ZNF518A: variants seen among roughly 807,000 people sequenced by gnomAD.
ZNF518A encodes zinc finger protein 518A, also known as zinc finger protein 518.
A neutral mutation model predicts 102.7 loss-of-function variants in ZNF518A; 47 were observed. The ratio of observed to expected loss-of-function variants is 0.46; its 90% CI spans 0.36 to 0.58. The LOEUF (loss-of-function observed/expected upper bound fraction) is 0.58. ZNF518A is among the 20% of genes least tolerant of loss of function. The pLI, the probability that ZNF518A is intolerant of heterozygous loss-of-function variation, is 0.00. For synonymous variants in ZNF518A, 652 were observed against 594.6 expected (o/e 1.10, Z -1.40); for missense variants, 1,793 against 1,699.8 (o/e 1.05, Z -0.96).
downstream of ZNF518A, among the ~76,000 whole-genome samples, chr10:96,164,246 AAAT>A (rs1220497562): frequency 6.6e-6 from 1 of 152,246 alleles, no homozygotes; most frequent in East Asian, 1.9e-4. Context: ...GATTTTTTAA[AAAT>A]AAGATTCCTT....
At chr10:96,193,714 A>G (rs1192159928) in intron 1 of ZNF518A, among the ~76,000 whole-genome samples, 1 of 152,266 alleles carries the variant, frequency 6.6e-6, no homozygotes, top group Non-Finnish European at 1.5e-5. Context: ...AAGATAAAGC[A>G]GACAGTTGTC....
intron 1 of ZNF518A, among the ~76,000 whole-genome samples, chr10:96,175,743 A>G (rs1371974165): frequency 4.6e-5 from 7 of 152,166 alleles, no homozygotes; most frequent in African/African-American, 9.7e-5. Context: ...TGTAGACTGA[A>G]GGGTGCTCAG....
Position 96,163,742 on chromosome 10 carries a change from TAAAAC to T in ZNF518A, c.*2971_*2975del, listed in dbSNP as rs1306669445. 1 of 167,016 alleles carries T rather than the reference TAAAAC, an allele frequency of 6.0e-6. No homozygotes were observed. Among genetic ancestry groups the T allele is most frequent in the Non-Finnish European group, 1.5e-5 (1 of 68,076 alleles). 10.3% of individuals were successfully genotyped at this position (167,016 alleles called of 1,614,324 possible). ...ATGAATTAGTGTGGCTATGTTTTAATAAAACAATTTATAAAAACAGGAAGTGGGCT... is the reference window on the plus strand; with the variant it reads ...ATGAATTAGTGTGGCTATGTTTTAATAATTTATAAAAACAGGAAGTGGGCT... On this transcript the variant is annotated 3_prime_UTR_variant, in exon 6 of 6. Coordinates refer to ENST00000316045, the MANE Select transcript of ZNF518A (RefSeq NM_001330736.2).
intron 3 of ZNF518A, among the ~76,000 whole-genome samples, chr10:96,135,534 C>T (rs2081556146): frequency 6.6e-6 from 1 of 152,220 alleles, no homozygotes; most frequent in South Asian, 2.1e-4. Flanking sequence ...TTTGTGCATG[C>T]ATTCAATCTA....
At chr10:96,141,319 G>T (rs1554876434) in intron 3 of ZNF518A, among the ~76,000 whole-genome samples, 1 of 152,208 alleles carries the variant, frequency 6.6e-6, no homozygotes, top group Non-Finnish European at 1.5e-5. Context: ...AGAAAGGAGA[G>T]ATTTAGTGTG....
chr10:96,189,394 T>TA (rs781875423), intron 1 of ZNF518A: 9 of 585,536 alleles, frequency 1.5e-5, no homozygotes, highest in Admixed American at 7.9e-5. Flanking sequence ...GGATCTTGAA[T>TA]AGTCTCCTGG....
Position 96,159,437 on chromosome 10 carries a change from A to G in ZNF518A, c.3115A>G (p.Ser1039Gly). 1.2e-6 allele frequency: 2 copies of G among 1,613,802 alleles called. No homozygotes were observed. Among genetic ancestry groups the G allele is most frequent in the Non-Finnish European group, 1.7e-6 (2 of 1,179,784 alleles). ...SSIGSCLSMKSSSENTLPLKG... is the reference protein window; with the variant it reads ...SSIGSCLSMKGSSENTLPLKG... ...CATTGGCAGTTGTTTGAGCATGAAA[A>G]GTAGCTCAGAAAATACTTTGCCATT... is the stretch of plus-strand genomic sequence containing the variant. The change falls in exon 6 of 6, where the codon AGT becomes GGT. Residue 1039 changes from serine to glycine, a missense_variant. Ser to Gly is a moderately conservative substitution (Grantham distance 56, BLOSUM62 0). This residue lies in a region of ZNF518A where 1,741 missense variants were observed against 1,622.6 expected (regional missense o/e 1.07). Coordinates refer to ENST00000316045, the MANE Select transcript of ZNF518A (RefSeq NM_001330736.2).
chr10:96,169,979 G>T (rs1554890722), intron 1 of ZNF518A, among the ~76,000 whole-genome samples: 1 of 152,200 alleles, frequency 6.6e-6, no homozygotes, highest in African/African-American at 2.4e-5. Context: ...AAATCTTCCA[G>T]TGTTTGCTAA....
At chr10:96,172,932 C>T (rs1564800831) in intron 1 of ZNF518A, among the ~76,000 whole-genome samples, 2 of 152,222 alleles carry the variant, frequency 1.3e-5, no homozygotes, top group Non-Finnish European at 2.9e-5. Context: ...TCTGTGCGTT[C>T]TACATCTGCA....
intron 3 of ZNF518A, among the ~76,000 whole-genome samples, chr10:96,147,316 CT>C (rs1324460475): frequency 2.0e-5 from 3 of 152,156 alleles, no homozygotes; most frequent in Non-Finnish European, 2.9e-5. Context: ...TCAAAGATGT[CT>C]TGTCTTTGGA....
intron 1 of ZNF518A, among the ~76,000 whole-genome samples, chr10:96,184,214 C>G (rs1036849116): frequency 6.6e-6 from 1 of 152,130 alleles, no homozygotes; most frequent in South Asian, 2.1e-4. Flanking sequence ...TGAGATGGGT[C>G]TCCTGAATAC....
chr10:96,170,822 A>G (rs77659669), intron 1 of ZNF518A, among the ~76,000 whole-genome samples: 6,182 of 152,296 alleles, frequency 0.041, 239 homozygotes, highest in African/African-American at 0.098. Flanking sequence ...GAAATGTTGT[A>G]TATCATACAT....
At chr10:96,196,097 C>A (rs1483470810) in intron 1 of ZNF518A, among the ~76,000 whole-genome samples, 2 of 152,150 alleles carry the variant, frequency 1.3e-5, no homozygotes, top group Non-Finnish European at 2.9e-5. Flanking sequence ...AATGGTGTAC[C>A]TTTTTCTGAA....
At chr10:96,165,698 C>A (rs1012528441), downstream of ZNF518A, among the ~76,000 whole-genome samples, 1 of 152,090 alleles carries the variant, frequency 6.6e-6, no homozygotes, top group Admixed American at 6.5e-5. Context: ...TTCTTTCTAT[C>A]CTCCAGCTGT....
Position 96,158,952 on chromosome 10 carries a change from A to C in ZNF518A, c.2630A>C (p.Lys877Thr). 8 of 1,613,624 alleles carry C rather than the reference A, an allele frequency of 5.0e-6. No individual in the cohort carries two copies. The highest frequency in any genetic ancestry group is 6.8e-6 in the Non-Finnish European group (8 of 1,179,708). Residue 877 changes from lysine (K) to threonine (T), a missense_variant, in exon 6 of 6, where the codon AAG (lysine) becomes ACG (threonine). By Grantham distance (78) the Lys-to-Thr change is moderately conservative (BLOSUM62 -1). This residue lies in a region of ZNF518A where 1,741 missense variants were observed against 1,622.6 expected (regional missense o/e 1.07). Coordinates refer to ENST00000316045, the MANE Select transcript of ZNF518A (RefSeq NM_001330736.2). ...SIPQDVRDSE[K>T]MPRISGFGTL... Reference sequence around the variant, plus strand: ...CCACAAGATGTGAGAGATTCAGAGAAGATGCCTAGAATTTCAGGTTTTGGC... The same window carrying C: ...CCACAAGATGTGAGAGATTCAGAGACGATGCCTAGAATTTCAGGTTTTGGC...
chr10:96,154,824 A>G (rs1554881647), intron 3 of ZNF518A, among the ~76,000 whole-genome samples: 1 of 152,222 alleles, frequency 6.6e-6, no homozygotes, highest in African/African-American at 2.4e-5. Context: ...CATGGCATGT[A>G]AAACAATTCA....
At chr10:96,169,270 A>C (rs2083160275) in intron 1 of ZNF518A, among the ~76,000 whole-genome samples, 1 of 152,014 alleles carries the variant, frequency 6.6e-6, no homozygotes, top group Non-Finnish European at 1.5e-5. Flanking sequence ...CTCCCAAAAC[A>C]CTGTGATTAC....
In ZNF518A at chr10:96,157,535, G is replaced by C. The variant is rs2082754496; in HGVS notation, c.1213G>C (p.Glu405Gln). The change falls in exon 6 of 6, where the codon GAA becomes CAA. Residue 405 changes from glutamate (E) to glutamine (Q), a missense_variant. Physicochemically the swap from Glu to Gln is conservative, Grantham distance 29 (BLOSUM62 2). Around this residue, in one of 3 missense-constraint regions of ZNF518A, gnomAD observed 1,741 missense variants for 1,622.6 expected, o/e 1.07. Transcript: ENST00000316045. ...GTCCACTGGGCAAGGTAATAGAGCT[G>C]AAGAGGGACCAAACGCTAGTTCAGG... Reference protein sequence around the residue: ...PLSTGQGNRAEEGPNASSGFM... With the variant: ...PLSTGQGNRAQEGPNASSGFM... The C allele has an allele frequency of 1.9e-6, 3 of 1,613,760 alleles. No individual in the cohort carries two copies.
At chr10:96,152,412 A>C (rs1200015406) in intron 3 of ZNF518A, among the ~76,000 whole-genome samples, 2 of 152,214 alleles carry the variant, frequency 1.3e-5, no homozygotes, top group African/African-American at 2.4e-5. Context: ...ATTGTAATAA[A>C]ATTTTTCTTT....
Sources: gnomAD v4.1 joint callset for allele counts (sites outside exome capture counted in the v4.1 genomes callset) on GRCh38, gnomAD v4.1.1 for gene constraint, gnomAD v4.1.1 regional missense constraint, MANE v1.5 for transcripts, NCBI Gene and HGNC (gene_info 2026-07-23, HGNC 2026-07-21) for gene names.